The following CHL1 variants were observed in gnomAD, a reference collection of about 807,000 sequenced individuals.
CHL1 encodes the protein neural cell adhesion molecule L1-like protein.
CHL1 carries 96 observed loss-of-function variants against 141.9 expected under a neutral mutation model. The ratio of observed to expected loss-of-function variants is 0.68; its 90% CI spans 0.57 to 0.80. CHL1 has a LOEUF of 0.80. Among genes scored for constraint, CHL1 ranks in the 30% least tolerant of loss-of-function variants. The pLI, the probability that CHL1 is intolerant of heterozygous loss-of-function variation, is 0.00. For missense variants in CHL1, 1,820 were observed against 1,457.2 expected (o/e 1.25, Z -4.05); for synonymous variants, 613 against 502.2 (o/e 1.22, Z -2.95).
At chr3:231,574 C>G (rs952970781) in intron 1 of CHL1, among the ~76,000 whole-genome samples, 5 of 114,592 alleles carry the variant, frequency 4.4e-5, no homozygotes, top group Admixed American at 1.3e-4. Flanking sequence ...CTTATTTCTT[C>G]CTTTTTTTTT....
intron 2 of CHL1, among the ~76,000 whole-genome samples, chr3:295,421 A>G (rs928512170): frequency 4.6e-5 from 7 of 152,224 alleles, no homozygotes; most frequent in Admixed American, 4.6e-4. Context: ...AAGGATTAAC[A>G]TGGATAAGAC....
intron 2 of CHL1, among the ~76,000 whole-genome samples, chr3:250,871 AT>A (rs1358715508): frequency 1.4e-4 from 22 of 152,242 alleles, no homozygotes; most frequent in African/African-American, 5.1e-4. Context: ...AGGGTGCCCT[AT>A]TAGTTTGTAG....
chr3:263,247 C>T (rs191217117), intron 2 of CHL1, among the ~76,000 whole-genome samples: 11 of 152,108 alleles, frequency 7.2e-5, no homozygotes, highest in Admixed American at 4.6e-4. Context: ...GAACTCCTTG[C>T]CAGTTGTAAG....
At chr3:358,291 G>A (rs184018139) in intron 11 of CHL1, among the ~76,000 whole-genome samples, 116 of 152,160 alleles carry the variant, frequency 7.6e-4, no homozygotes, top group Non-Finnish European at 1.5e-3. Context: ...CAGCTACACT[G>A]CATCTCTCTG....
rs532704814 is a variant in CHL1, at chr3:322,125, G to T, written c.91+2258G>T. Among the ~76,000 whole-genome samples, 44 of 152,054 alleles carry T rather than the reference G, an allele frequency of 2.9e-4. 1 individual carries two copies. The South Asian group carries it at 8.9e-3, about 31-fold the overall frequency. ...TTTAAATAATATGAATTTGCAATAA[G>T]CTCAAGTCCTGCTCTACACAGAAAT... On this transcript the variant is annotated intron_variant, in intron 3 of 27. Coordinates refer to ENST00000256509, the MANE Select transcript of CHL1 (RefSeq NM_006614.4).
At chr3:382,363 G>T in intron 17 of CHL1, 83 bp downstream of exon 17, 1 of 1,474,042 alleles carries the variant, frequency 6.8e-7, no homozygotes, top group Non-Finnish European at 9.4e-7. Flanking sequence ...ACTCTTACTG[G>T]TTTATTCTTC....
chr3:225,215 A>C (rs1336655449), intron 1 of CHL1, among the ~76,000 whole-genome samples: 1 of 152,206 alleles, frequency 6.6e-6, no homozygotes, highest in Non-Finnish European at 1.5e-5. Context: ...TCAACATATA[A>C]TTATTGCCCA....
chr3:228,599 T>C (rs1170372778), intron 1 of CHL1, among the ~76,000 whole-genome samples: 2 of 152,190 alleles, frequency 1.3e-5, no homozygotes, highest in Admixed American at 6.5e-5. Flanking sequence ...CTAACATAAA[T>C]TGAATGCTCA....
At chr3:242,697 C>CAGAGAG (rs71619441) in intron 1 of CHL1, among the ~76,000 whole-genome samples, 64 of 149,154 alleles carry the variant, frequency 4.3e-4, no homozygotes, top group East Asian at 1.4e-3. Flanking sequence ...CACACACACA[C>CAGAGAG]AGAGAGAGAG....
intron 24 of CHL1, among the ~76,000 whole-genome samples, chr3:397,662 T>A (rs1229425243): frequency 6.6e-6 from 1 of 152,138 alleles, no homozygotes; most frequent in Non-Finnish European, 1.5e-5. Context: ...AGTATTAACT[T>A]CTCACACCAC....
chr3:293,360 G>T (rs1274333375), intron 2 of CHL1, among the ~76,000 whole-genome samples: 1 of 151,990 alleles, frequency 6.6e-6, no homozygotes, highest in Non-Finnish European at 1.5e-5. Context: ...AAAATTAGCC[G>T]GGCATGATGG....
At chr3:366,527 T>A (rs1298050125) in intron 15 of CHL1, among the ~76,000 whole-genome samples, 1 of 150,508 alleles carries the variant, frequency 6.6e-6, no homozygotes, top group Non-Finnish European at 1.5e-5. Context: ...AAAAACTGAG[T>A]AATATTTCTG....
intron 19 of CHL1, among the ~76,000 whole-genome samples, chr3:386,706 A>G (rs1009188523): frequency 2.0e-5 from 3 of 152,220 alleles, no homozygotes; most frequent in African/African-American, 7.2e-5. Context: ...ACCTGGTTAT[A>G]TAATCGCATC....
At chr3:243,048 G>T (rs1161587645) in intron 1 of CHL1, among the ~76,000 whole-genome samples, 3 of 152,100 alleles carry the variant, frequency 2.0e-5, no homozygotes, top group Non-Finnish European at 2.9e-5. Flanking sequence ...TCTAATGTTA[G>T]AACAATAAAA....
intron 5 of CHL1, among the ~76,000 whole-genome samples, chr3:331,860 A>C (rs1254545430): frequency 6.6e-6 from 1 of 152,214 alleles, no homozygotes. Context: ...AAACAGACCT[A>C]TTGTAACCCT....
intron 15 of CHL1, among the ~76,000 whole-genome samples, chr3:366,593 AC>A (rs754799738): frequency 6.6e-6 from 1 of 151,702 alleles, no homozygotes; most frequent in Non-Finnish European, 1.5e-5. Flanking sequence ...TTTGCTACTG[AC>A]TTTTCATGTA....
chr3:233,457 A>G (rs368068348), intron 1 of CHL1, among the ~76,000 whole-genome samples: 29 of 152,264 alleles, frequency 1.9e-4, no homozygotes, highest in African/African-American at 6.5e-4. Context: ...TTTGGAGAAA[A>G]TACTGTTTTT....
intron 15 of CHL1, among the ~76,000 whole-genome samples, chr3:372,069 T>C (rs777556414): frequency 1.3e-5 from 2 of 152,194 alleles, no homozygotes; most frequent in South Asian, 2.1e-4. Flanking sequence ...TTAGAGAATC[T>C]GATGATTATG....
intron 2 of CHL1, among the ~76,000 whole-genome samples, chr3:250,908 A>G (rs1693632617): frequency 6.6e-6 from 1 of 152,174 alleles, no homozygotes; most frequent in South Asian, 2.1e-4. Context: ...AAAGGCATTT[A>G]TTCAACGATT....
Sources: allele counts gnomAD v4.1 joint callset (sites outside exome capture counted in the v4.1 genomes callset), GRCh38; gene constraint gnomAD v4.1.1; transcripts MANE v1.5; gene names NCBI Gene and HGNC (gene_info 2026-07-23, HGNC 2026-07-21).